The following ATXN10 variants were observed in gnomAD, a reference collection of about 807,000 sequenced individuals.
ATXN10 encodes ataxin 10, also known as ataxin-10.
Under a neutral mutation model 52.9 loss-of-function variants are expected in ATXN10, and 28 were observed. The observed-to-expected ratio is 0.53, with a 90% CI of 0.39 to 0.73. The LOEUF is 0.73. Ranked by LOEUF, ATXN10 falls within the 30% of genes least tolerant of loss-of-function variation. ATXN10 has a pLI of 0.00. For missense variants in ATXN10, 565 were observed against 577.0 expected, an observed-to-expected ratio of 0.98 and a Z score of 0.21; for synonymous variants, 226 against 221.5, an observed-to-expected ratio of 1.02 and a Z score of -0.18.
intron 8 of ATXN10, among the ~76,000 whole-genome samples, chr22:45,739,862 C>A (rs1470882514): frequency 6.6e-6 from 1 of 152,112 alleles, no homozygotes; most frequent in Non-Finnish European, 1.5e-5. Context: ...AGTTCTTTCT[C>A]CTGAATGTAG....
Position 45,783,497 on chromosome 22 carries a change from G to T in ATXN10, c.1174-23462G>T, listed in dbSNP as rs1157541364. Among the ~76,000 whole-genome samples the T allele has an allele frequency of 6.6e-6, 1 of 152,212 alleles. No homozygotes were observed. Among genetic ancestry groups the T allele is most frequent in the Non-Finnish European group, 1.5e-5 (1 of 68,038 alleles). ...GGACAAAGTTAAAACTGGTAAGCTT[G>T]GCCTTCAGGGCTGCCCCTGATTGGA... On this transcript the variant is annotated intron_variant, in intron 9 of 11. Coordinates refer to ENST00000252934, the MANE Select transcript of ATXN10 (RefSeq NM_013236.4). The surrounding 1 kb of genome is among the most constrained non-coding windows in gnomAD (Gnocchi z 5.0).
At chr22:45,811,664 G>A in intron 10 of ATXN10, 1 of 466,890 alleles carries the variant, frequency 2.1e-6, no homozygotes, top group South Asian at 1.6e-5. Context: ...ATTCTGTGAT[G>A]TTCACACAAT....
intron 9 of ATXN10, among the ~76,000 whole-genome samples, chr22:45,804,528 G>A (rs1005684468): frequency 1.1e-4 from 17 of 152,260 alleles, no homozygotes; most frequent in South Asian, 2.1e-4. Flanking sequence ...TTCTTTCAGC[G>A]GGACATGGCG....
chr22:45,808,294 C>T (rs893030442), intron 10 of ATXN10, among the ~76,000 whole-genome samples: 1 of 152,212 alleles, frequency 6.6e-6, no homozygotes, highest in African/African-American at 2.4e-5. Flanking sequence ...GCAGATGTTG[C>T]ATTTCCCAAT....
At chr22:45,748,179 TA>T (rs369182405) in intron 9 of ATXN10, among the ~76,000 whole-genome samples, 13,675 of 144,772 alleles carry the variant, frequency 0.094, 738 homozygotes, top group Middle Eastern at 0.17. Flanking sequence ...ACTCTGTCTT[TA>T]AAAAAAAAAA....
rs1289702404 is a variant in ATXN10, at chr22:45,683,141, A to C, written c.117-6571A>C. Among the ~76,000 whole-genome samples, 1 of 152,140 alleles carries C rather than the reference A, an allele frequency of 6.6e-6. No individual in the cohort carries two copies. The highest frequency in any genetic ancestry group is 2.4e-5 in the African/African-American group (1 of 41,434). ...TGAGACCAGCCTGGCCAACATGGTGAAACCCCATCTCTACTAAAAATACAA... is the reference window on the plus strand; with the variant it reads ...TGAGACCAGCCTGGCCAACATGGTGCAACCCCATCTCTACTAAAAATACAA... On this transcript the variant is annotated intron_variant, in intron 1 of 11. Coordinates refer to ENST00000252934, the MANE Select transcript of ATXN10 (RefSeq NM_013236.4). The surrounding 1 kb of genome is among the most constrained non-coding windows in gnomAD (Gnocchi z 4.8).
chr22:45,692,530 T>C (rs1388703762), intron 2 of ATXN10, among the ~76,000 whole-genome samples: 1 of 152,236 alleles, frequency 6.6e-6, no homozygotes, highest in Non-Finnish European at 1.5e-5. Context: ...AAAGACTTTG[T>C]GGCCAAGCTT....
chr22:45,703,818 CT>C (rs1175486126), intron 5 of ATXN10, among the ~76,000 whole-genome samples: 1 of 152,172 alleles, frequency 6.6e-6, no homozygotes, highest in African/African-American at 2.4e-5. Context: ...AGGCAGAAAG[CT>C]CTGTACCTCA....
intron 10 of ATXN10, among the ~76,000 whole-genome samples, chr22:45,830,864 A>G (rs192839954): frequency 9.2e-5 from 14 of 152,346 alleles, no homozygotes; most frequent in African/African-American, 3.1e-4. Context: ...ACTTCTGGGT[A>G]TATACCCGAA....
rs1929324343 is a variant in ATXN10, at chr22:45,840,854, TAG to T, written c.1238-2132_1238-2131del. ...GTGTTATGCTTCTTTCATTTACCAT[TAG>T]AGAGTTATACTCATGAACAAAAATT... On this transcript the variant is annotated intron_variant, in intron 10 of 11. Coordinates refer to ENST00000252934, the MANE Select transcript of ATXN10 (RefSeq NM_013236.4). The surrounding 1 kb of genome is among the most constrained non-coding windows in gnomAD (Gnocchi z 5.8). Among the ~76,000 whole-genome samples, 1 of 152,202 alleles carries T rather than the reference TAG, an allele frequency of 6.6e-6. No individual in the cohort carries two copies.
chr22:45,702,268 A>G (rs986978800), intron 4 of ATXN10, among the ~76,000 whole-genome samples: 8 of 152,088 alleles, frequency 5.3e-5, no homozygotes, highest in African/African-American at 1.7e-4. Flanking sequence ...TCCAAATTCT[A>G]TTTCTTGCCC....
At chr22:45,785,797 T>G (rs1368241870) in intron 9 of ATXN10, among the ~76,000 whole-genome samples, 1 of 152,212 alleles carries the variant, frequency 6.6e-6, no homozygotes. Flanking sequence ...CAAAGGGGTC[T>G]GCACCGTCCT....
intron 9 of ATXN10, among the ~76,000 whole-genome samples, chr22:45,749,180 A>C (rs1275233603): frequency 6.6e-6 from 1 of 152,180 alleles, no homozygotes; most frequent in African/African-American, 2.4e-5. Context: ...CCTAGGCTTT[A>C]AGCGTGAAGG....
chr22:45,820,214 A>G lies in ATXN10; in HGVS notation c.1237+13192A>G, dbSNP rs1284205533. On this transcript the variant is annotated intron_variant, in intron 10 of 11. Transcript: ENST00000252934. This position sits in a 1 kb window ranked among gnomAD's most constrained non-coding sequence, Gnocchi z 4.9. ...AGGAAAATCTCTAATGGGACTTATA[A>G]GCAGGCACTCATTTCCTTATCCAGG... is the stretch of plus-strand genomic sequence containing the variant. Among the ~76,000 whole-genome samples the G allele has an allele frequency of 6.6e-6, 1 of 152,250 alleles. No homozygotes were observed. The highest frequency in any genetic ancestry group is 1.5e-5 in the Non-Finnish European group (1 of 68,046).
In ATXN10 at chr22:45,795,695, C is replaced by T. The variant is rs1927710562; in HGVS notation, c.1174-11264C>T. ...AGATTTCATGGACATTTATTAGTTC[C>T]CCAAATTAATACTTTTATAATGTCT... On this transcript the variant is annotated intron_variant, in intron 9 of 11. Coordinates refer to ENST00000252934, the MANE Select transcript of ATXN10 (RefSeq NM_013236.4). This position sits in a 1 kb window ranked among gnomAD's most constrained non-coding sequence, Gnocchi z 4.6. Among the ~76,000 whole-genome samples the T allele has an allele frequency of 6.6e-6, 1 of 152,118 alleles. No individual in the cohort carries two copies. The highest frequency in any genetic ancestry group is 6.5e-5 in the Admixed American group (1 of 15,270).
At chr22:45,760,900 CCAGTTAAAAGGTTGCTA>C (rs1337978758) in intron 9 of ATXN10, among the ~76,000 whole-genome samples, 1 of 152,030 alleles carries the variant, frequency 6.6e-6, no homozygotes, top group Non-Finnish European at 1.5e-5. Flanking sequence ...GATTCCTGAG[CCAGTTAAAAGGTTGCTA>C]CAGCAGTGGA....
intron 10 of ATXN10, among the ~76,000 whole-genome samples, chr22:45,839,269 T>G (rs973697271): frequency 7.9e-5 from 12 of 152,228 alleles, no homozygotes; most frequent in Non-Finnish European, 1.6e-4. Flanking sequence ...GGATACTAAT[T>G]TTGGAAGAAG....
At chr22:45,807,305 C>G (rs908483252) in intron 10 of ATXN10, among the ~76,000 whole-genome samples, 3 of 152,224 alleles carry the variant, frequency 2.0e-5, no homozygotes, top group African/African-American at 7.2e-5. Flanking sequence ...CCATGCAAGG[C>G]ACTGTGCTGC....
At chr22:45,831,314 G>T (rs1928984063) in intron 10 of ATXN10, among the ~76,000 whole-genome samples, 1 of 152,076 alleles carries the variant, frequency 6.6e-6, no homozygotes, top group African/African-American at 2.4e-5. Flanking sequence ...CACTACCAAT[G>T]TGTACTCTTT....
Sources: gnomAD v4.1 joint callset for allele counts (sites outside exome capture counted in the v4.1 genomes callset) on GRCh38, gnomAD v4.1.1 for gene constraint, Gnocchi (gnomAD v3.1) non-coding constraint, MANE v1.5 for transcripts, NCBI Gene and HGNC (gene_info 2026-07-23, HGNC 2026-07-21) for gene names.